The following IFTAP variants were observed in gnomAD, a reference collection of about 807,000 sequenced individuals.
The protein encoded by IFTAP is intraflagellar transport-associated protein.
A neutral mutation model predicts 19.4 loss-of-function variants in IFTAP; 19 were observed. The observed-to-expected ratio is 0.98, with a 90% confidence interval of 0.68 to 1.44. The LOEUF (loss-of-function observed/expected upper bound fraction) is 1.44, where lower values mean the gene tolerates loss of function less well. Ranked by LOEUF, IFTAP falls within the 40% of genes most tolerant of loss-of-function variation. The pLI is 0.00. For missense variants in IFTAP, 240 were observed against 253.6 expected (o/e 0.95, Z 0.36); for synonymous variants, 85 against 83.5 (o/e 1.02, Z -0.10).
At chr11:36,630,484 T>C (rs2133444781) in intron 2 of IFTAP, among the ~76,000 whole-genome samples, 1 of 151,560 alleles carries the variant, frequency 6.6e-6, no homozygotes, top group Non-Finnish European at 1.5e-5. Context: ...TGAGAATTTT[T>C]GTTAGACCTG....
rs531994063 is a variant in IFTAP at position 36,651,494 on chromosome 11, C to T, written c.498+3339C>T. On this transcript the variant is annotated intron_variant, in intron 5 of 5. Coordinates refer to ENST00000334307, the MANE Select transcript of IFTAP (RefSeq NM_138787.4). The stretch of plus-strand genomic sequence containing the variant: ...TAGATTGCAAAAATTTTCTCCCATT[C>T]TGTAGGTTGCCTGTTCACTCTGAGG... Among the ~76,000 whole-genome samples, 5 of 152,204 alleles carry T rather than the reference C, an allele frequency of 3.3e-5. No homozygotes were observed. In the East Asian group the frequency reaches 7.7e-4, roughly 24 times the overall value.
At chr11:36,604,552 C>G (rs986526346) in intron 1 of IFTAP, among the ~76,000 whole-genome samples, 1 of 152,022 alleles carries the variant, frequency 6.6e-6, no homozygotes. Flanking sequence ...TGGTAGGTCT[C>G]TAATATATAA....
intron 2 of IFTAP, among the ~76,000 whole-genome samples, chr11:36,627,917 T>C (rs897017512): frequency 1.3e-5 from 2 of 151,312 alleles, no homozygotes; most frequent in Admixed American, 1.3e-4. Flanking sequence ...GATAACGTGA[T>C]GATTCTGTGA....
intron 4 of IFTAP, among the ~76,000 whole-genome samples, chr11:36,647,352 G>T (rs938993706): frequency 1.3e-5 from 2 of 152,032 alleles, no homozygotes; most frequent in African/African-American, 4.8e-5. Flanking sequence ...ATGCATCCAT[G>T]TACTATCATA....
chr11:36,629,701 A>G (rs748512322), intron 2 of IFTAP, among the ~76,000 whole-genome samples: 11 of 151,408 alleles, frequency 7.3e-5, no homozygotes, highest in Non-Finnish European at 1.6e-4. Flanking sequence ...AACCTTTTCA[A>G]GGTGTGTAAC....
intron 2 of IFTAP, among the ~76,000 whole-genome samples, chr11:36,612,907 A>C (rs1422470892): frequency 6.6e-6 from 1 of 152,100 alleles, no homozygotes; most frequent in Admixed American, 6.6e-5. Flanking sequence ...GAAACTGTTA[A>C]TATTATAGCA....
intron 5 of IFTAP, among the ~76,000 whole-genome samples, chr11:36,649,707 A>T (rs1477791676): frequency 6.6e-6 from 1 of 152,136 alleles, no homozygotes. Context: ...GAGGAATATA[A>T]ATTTCCTACC....
chr11:36,657,809 G>A (rs1180035088), intron 5 of IFTAP, among the ~76,000 whole-genome samples: 2 of 152,110 alleles, frequency 1.3e-5, no homozygotes, highest in Non-Finnish European at 2.9e-5. Context: ...ACTCACCGTG[G>A]CAAACTCACC....
intron 4 of IFTAP, among the ~76,000 whole-genome samples, chr11:36,637,093 G>T (rs1056340240): frequency 1.3e-5 from 2 of 152,140 alleles, no homozygotes; most frequent in Non-Finnish European, 2.9e-5. Context: ...GGTCATTAGT[G>T]TTGGGGGAGG....
At chr11:36,628,557 AG>A (rs1852607696) in intron 2 of IFTAP, among the ~76,000 whole-genome samples, 1 of 151,392 alleles carries the variant, frequency 6.6e-6, no homozygotes, top group South Asian at 2.1e-4. Flanking sequence ...GAGGACAACA[AG>A]GACTGAGTCT....
intron 4 of IFTAP, among the ~76,000 whole-genome samples, chr11:36,647,539 G>A (rs1853536980): frequency 6.6e-6 from 1 of 152,092 alleles, no homozygotes; most frequent in Non-Finnish European, 1.5e-5. Flanking sequence ...CTTTTCTGCT[G>A]AAAGTTAAAG....
In IFTAP at chr11:36,596,825, T is replaced by G. The variant is rs545021864; in HGVS notation, c.-24+2233T>G. Among the ~76,000 whole-genome samples, 5 of 152,312 alleles carry G rather than the reference T, an allele frequency of 3.3e-5. No individual in the cohort carries two copies. In the South Asian group the frequency reaches 1.0e-3, roughly 32 times the overall value. On this transcript the variant is annotated intron_variant, in intron 1 of 5. Coordinates refer to ENST00000334307, the MANE Select transcript of IFTAP (RefSeq NM_138787.4). ...GTCGCCTCTTGGTTTCATTTTAAGG[T>G]TGCTGTAGGAATTGTGGCTTCTCGT...
intron 5 of IFTAP, among the ~76,000 whole-genome samples, chr11:36,652,850 A>G (rs1853804983): frequency 6.6e-6 from 1 of 152,144 alleles, no homozygotes; most frequent in South Asian, 2.1e-4. Context: ...ACATAATTGT[A>G]TATAGAATTA....
chr11:36,641,040 C>A, intron 4 of IFTAP, among the ~76,000 whole-genome samples: 1 of 151,960 alleles, frequency 6.6e-6, no homozygotes, highest in East Asian at 1.9e-4. Context: ...AGAAAAATAT[C>A]CACAACTATA....
intron 1 of IFTAP, among the ~76,000 whole-genome samples, chr11:36,605,280 GC>G (rs1391685369): frequency 5.2e-5 from 4 of 77,116 alleles, no homozygotes; most frequent in South Asian, 4.1e-4. Context: ...CCTCCCCCCT[GC>G]CCCCCCACTT....
rs371065186 is a variant in IFTAP, at chr11:36,621,251, TTAGCAA to T, written c.136+11013_136+11018del. On this transcript the variant is annotated intron_variant, in intron 2 of 5. Transcript: ENST00000334307. ...GGGCATGTTTCAGATCTGAATGGTTTTAGCAAAATGTTCTTTTAGCCGTGAAACAAT... is the reference window on the plus strand; with the variant it reads ...GGGCATGTTTCAGATCTGAATGGTTTAATGTTCTTTTAGCCGTGAAACAAT... Among the ~76,000 whole-genome samples, 1,103 of 152,166 alleles carry T rather than the reference TTAGCAA, an allele frequency of 7.2e-3. 11 individuals are homozygous for T. The highest frequency in any genetic ancestry group is 0.025 in the African/African-American group (1,045 of 41,546).
At chr11:36,646,517 G>A (rs1246614319) in intron 4 of IFTAP, among the ~76,000 whole-genome samples, 1 of 152,160 alleles carries the variant, frequency 6.6e-6, no homozygotes, top group Non-Finnish European at 1.5e-5. Context: ...TTTGGGAAAT[G>A]TACTTAATGT....
intron 1 of IFTAP, 50 bp from the exon 2 acceptor site, chr11:36,610,031 G>C: frequency 6.6e-7 from 1 of 1,506,082 alleles, no homozygotes; most frequent in Non-Finnish European, 9.0e-7. Context: ...TATTTTCAAA[G>C]GGGCTGGTAT....
chr11:36,658,887 C>T (rs1015363056), intron 5 of IFTAP, 132 bp from the exon 6 acceptor site: 21 of 597,628 alleles, frequency 3.5e-5, no homozygotes, highest in South Asian at 7.1e-5. Flanking sequence ...TACTTAAAAA[C>T]AGCTTAATCA....
Sources: gnomAD v4.1 joint callset for allele counts (sites outside exome capture counted in the v4.1 genomes callset) on GRCh38, gnomAD v4.1.1 for gene constraint, MANE v1.5 for transcripts, NCBI Gene and HGNC (gene_info 2026-07-23, HGNC 2026-07-21) for gene names.